Variants in SPAG17 observed in about 807,000 individuals in gnomAD.
SPAG17 encodes sperm associated antigen 17.
A neutral mutation model predicts 273.6 loss-of-function variants in SPAG17; 169 were observed. That is an observed-to-expected ratio of 0.62 (90% confidence interval 0.55 to 0.70). The LOEUF (loss-of-function observed/expected upper bound fraction) is 0.70, where lower values mean the gene tolerates loss of function less well. SPAG17 is among the 30% of genes least tolerant of loss of function. The probability of loss-of-function intolerance (pLI) is 0.00; values close to 1 mark genes in which losing one functional copy is unlikely to be tolerated. For missense variants in SPAG17, 2,557 were observed against 2,627.8 expected, an observed-to-expected ratio of 0.97 and a Z score of 0.59; for synonymous variants, 825 against 873.2, an observed-to-expected ratio of 0.94 and a Z score of 0.97.
At chr1:117,976,189 C>T (rs1342141904) in intron 43 of SPAG17, among the ~76,000 whole-genome samples, 1 of 152,178 alleles carries the variant, frequency 6.6e-6, no homozygotes, top group Middle Eastern at 3.2e-3. Context: ...ACTGAGCCTA[C>T]CCTCCAGGGA....
chr1:118,009,405 G>C (rs1402770705), intron 30 of SPAG17, among the ~76,000 whole-genome samples: 1 of 151,990 alleles, frequency 6.6e-6, no homozygotes, highest in African/African-American at 2.4e-5. Flanking sequence ...TGACATTAAG[G>C]AAAGGGAACT....
At chr1:118,126,066 G>T (rs1358730356) in intron 3 of SPAG17, among the ~76,000 whole-genome samples, 1 of 133,238 alleles carries the variant, frequency 7.5e-6, no homozygotes, top group Non-Finnish European at 1.6e-5. Flanking sequence ...TTTGATAATA[G>T]CCATTCTAAC....
intron 4 of SPAG17, among the ~76,000 whole-genome samples, chr1:118,112,448 A>G (rs1389621070): frequency 2.0e-5 from 3 of 152,124 alleles, no homozygotes; most frequent in African/African-American, 7.2e-5. Context: ...AAAAATGCAA[A>G]AGCAAATGTT....
intron 1 of SPAG17, among the ~76,000 whole-genome samples, chr1:118,180,202 T>C (rs1660876949): frequency 6.6e-6 from 1 of 152,024 alleles, no homozygotes; most frequent in African/African-American, 2.4e-5. Flanking sequence ...TAAGTTCCCA[T>C]CAACAGATGA....
intron 1 of SPAG17, among the ~76,000 whole-genome samples, chr1:118,167,716 C>T (rs1660237228): frequency 6.6e-6 from 1 of 152,132 alleles, no homozygotes; most frequent in Non-Finnish European, 1.5e-5. Flanking sequence ...GCAGAGTCAA[C>T]AGGATTTACT....
intron 20 of SPAG17, among the ~76,000 whole-genome samples, chr1:118,052,459 A>T (rs1651167623): frequency 6.6e-6 from 1 of 151,858 alleles, no homozygotes; most frequent in Non-Finnish European, 1.5e-5. Flanking sequence ...AGGAGGAAAA[A>T]ATTCAAGAGA....
At chr1:118,077,402 T>C (rs1367982493) in intron 15 of SPAG17, among the ~76,000 whole-genome samples, 2 of 152,088 alleles carry the variant, frequency 1.3e-5, no homozygotes, top group Non-Finnish European at 2.9e-5. Flanking sequence ...CACTATAGCA[T>C]TTTCAACCCT....
chr1:118,064,585 G>T (rs1312127545), intron 18 of SPAG17, among the ~76,000 whole-genome samples: 1 of 111,342 alleles, frequency 9.0e-6, no homozygotes, highest in Non-Finnish European at 1.8e-5. Flanking sequence ...GGGGCCTGTT[G>T]TGGGGTGGGG....
At chr1:117,969,225 C>T (rs769005612) in intron 46 of SPAG17, among the ~76,000 whole-genome samples, 1 of 151,906 alleles carries the variant, frequency 6.6e-6, no homozygotes, top group Non-Finnish European at 1.5e-5. Context: ...AACAGGTTGA[C>T]ATTTTGTATT....
In SPAG17 at chr1:118,054,145, A is replaced by G. The variant is rs144976379; in HGVS notation, c.2723-52T>C. 1.0e-3 allele frequency: 1,198 copies of G among 1,201,432 alleles called. 8 individuals carry two copies. In the African/African-American group the frequency reaches 0.016, roughly 16 times the overall value. The allele number at this position is 1,201,432 out of a possible 1,614,324, so 74.4% of individuals were successfully genotyped here. A position where few individuals can be genotyped will look rare whatever the true frequency, so the allele number is the denominator to read the frequency against. ...TAGTAACTCTTAAATAAGATATCAT[A>G]GAAGGCCCAAATCTCTGGGTTAGAT... On this transcript the variant is annotated intron_variant, in intron 19 of 48. Coordinates refer to ENST00000336338, the MANE Select transcript of SPAG17 (RefSeq NM_206996.4).
At chr1:118,151,119 TCAAAATTTA>T in intron 2 of SPAG17, 101 bp downstream of exon 2, 1 of 945,334 alleles carries the variant, frequency 1.1e-6, no homozygotes. Context: ...AAATAATCCA[TCAAAATTTA>T]CAAAACAGCC....
At chr1:118,024,041 CT>C (rs915834063) in intron 27 of SPAG17, among the ~76,000 whole-genome samples, 1 of 152,108 alleles carries the variant, frequency 6.6e-6, no homozygotes, top group African/African-American at 2.4e-5. Flanking sequence ...CTTCAGGAAA[CT>C]TTTGGGATTG....
chr1:118,025,717 C>G (rs1647666483), intron 26 of SPAG17, among the ~76,000 whole-genome samples: 1 of 152,072 alleles, frequency 6.6e-6, no homozygotes, highest in Non-Finnish European at 1.5e-5. Context: ...GTCTCAAACT[C>G]CTGGCCTCAA....
chr1:118,120,384 G>A (rs1484127184), intron 3 of SPAG17, among the ~76,000 whole-genome samples: 4 of 151,910 alleles, frequency 2.6e-5, no homozygotes, highest in South Asian at 2.1e-4. Flanking sequence ...GGTCAGAGAA[G>A]GTCTATATGA....
intron 1 of SPAG17, among the ~76,000 whole-genome samples, chr1:118,168,401 T>C (rs1274641611): frequency 6.6e-6 from 1 of 152,202 alleles, no homozygotes. Flanking sequence ...TCCTGATTTA[T>C]AGATGCAGTA....
chr1:118,119,237 G>A (rs1657280290), intron 3 of SPAG17, among the ~76,000 whole-genome samples: 1 of 152,204 alleles, frequency 6.6e-6, no homozygotes, highest in Non-Finnish European at 1.5e-5. Flanking sequence ...TTTCCCTTGT[G>A]TGTTGACAAG....
chr1:117,968,529 T>C (rs1654168458), intron 46 of SPAG17, among the ~76,000 whole-genome samples: 1 of 152,204 alleles, frequency 6.6e-6, no homozygotes, highest in African/African-American at 2.4e-5. Context: ...AATGTTTCTG[T>C]TTGGAGTTTC....
chr1:118,115,500 T>C, intron 3 of SPAG17, 59 bp from the exon 4 acceptor site: 9 of 1,494,988 alleles, frequency 6.0e-6, no homozygotes, highest in Non-Finnish European at 7.2e-6. Context: ...GCACAGTCTG[T>C]CAGTGATGAA....
chr1:118,004,930 C>G (rs542413819), intron 32 of SPAG17, among the ~76,000 whole-genome samples: 1 of 152,182 alleles, frequency 6.6e-6, no homozygotes, highest in African/African-American at 2.4e-5. Context: ...GGAGCTGTTC[C>G]TATTCAGCCA....
Sources: allele counts gnomAD v4.1 joint callset (sites outside exome capture counted in the v4.1 genomes callset), GRCh38; gene constraint gnomAD v4.1.1; transcripts MANE v1.5; gene names NCBI Gene and HGNC (gene_info 2026-07-23, HGNC 2026-07-21).